CCBE1: variants seen among roughly 807,000 people sequenced by gnomAD.
CCBE1 encodes collagen and calcium binding EGF domains 1.
CCBE1 carries 37 observed loss-of-function variants against 50.0 expected under a neutral mutation model. That is an observed-to-expected ratio of 0.74 (90% CI 0.57 to 0.97). The LOEUF is 0.97. CCBE1 is among the 50% of genes least tolerant of loss of function. The pLI, the probability that CCBE1 is intolerant of heterozygous loss-of-function variation, is 0.00. For synonymous variants in CCBE1, 234 were observed against 203.7 expected (o/e 1.15, Z -1.27); for missense variants, 538 against 523.8 (o/e 1.03, Z -0.26).
chr18:59,636,921 G>A (rs2144637406), intron 2 of CCBE1, among the ~76,000 whole-genome samples: 1 of 152,282 alleles, frequency 6.6e-6, no homozygotes, highest in Middle Eastern at 3.4e-3. Flanking sequence ...CCTTGATAGT[G>A]TCTTTAAATG....
intron 2 of CCBE1, among the ~76,000 whole-genome samples, chr18:59,619,087 T>C (rs1489893224): frequency 6.6e-6 from 1 of 152,226 alleles, no homozygotes; most frequent in Non-Finnish European, 1.5e-5. Flanking sequence ...AAGATGTGAA[T>C]ATGTATTTAG....
intron 2 of CCBE1, among the ~76,000 whole-genome samples, chr18:59,619,746 G>A (rs1415042564): frequency 6.6e-6 from 1 of 152,130 alleles, no homozygotes; most frequent in African/African-American, 2.4e-5. Context: ...ATGGTTCCAA[G>A]TGAGTTTTAA....
At chr18:59,677,045 G>A (rs1210214794) in intron 2 of CCBE1, among the ~76,000 whole-genome samples, 1 of 152,202 alleles carries the variant, frequency 6.6e-6, no homozygotes, top group Non-Finnish European at 1.5e-5. Flanking sequence ...TGTTTCCAGA[G>A]TGATGAGATG....
Position 59,619,615 on chromosome 18 carries a change from C to T in CCBE1, c.212+77014G>A, listed in dbSNP as rs539837421. Reference sequence around the variant, plus strand: ...ATTTATCCGGCTCCATTTAACTGTACTCATTTTAGCCAACAAAGACTTAAT... The same window carrying T: ...ATTTATCCGGCTCCATTTAACTGTATTCATTTTAGCCAACAAAGACTTAAT... On this transcript the variant is annotated intron_variant, in intron 2 of 10. Coordinates refer to ENST00000439986, the MANE Select transcript of CCBE1 (RefSeq NM_133459.4). 6.6e-5 allele frequency among the ~76,000 whole-genome samples: 10 copies of T among 152,298 alleles called. 1 individual carries two copies. In the East Asian group the frequency reaches 1.9e-3, roughly 29 times the overall value.
intron 5 of CCBE1, among the ~76,000 whole-genome samples, chr18:59,463,704 A>G (rs1292993052): frequency 1.3e-5 from 2 of 152,188 alleles, no homozygotes; most frequent in African/African-American, 4.8e-5. Flanking sequence ...CTATATCCCA[A>G]CATCGAATCT....
intron 2 of CCBE1, among the ~76,000 whole-genome samples, chr18:59,534,007 A>G (rs1915148693): frequency 6.6e-6 from 1 of 151,880 alleles, no homozygotes. Context: ...TTTCATTGAG[A>G]GATTCCAAAG....
intron 6 of CCBE1, among the ~76,000 whole-genome samples, chr18:59,453,641 A>G (rs925878987): frequency 6.6e-6 from 1 of 152,198 alleles, no homozygotes; most frequent in African/African-American, 2.4e-5. Context: ...GAACATGGGA[A>G]AGAGATACCA....
Position 59,466,875 on chromosome 18 carries a change from G to A in CCBE1, c.417C>T (p.Ala139=), listed in dbSNP as rs1334505725. 2 of 1,613,038 alleles carry A rather than the reference G, an allele frequency of 1.2e-6. No homozygotes were observed. Among genetic ancestry groups the A allele is most frequent in the South Asian group, 1.1e-5 (1 of 91,034 alleles). The change falls in exon 5 of 11, where the codon GCC becomes GCT. Residue 139 remains alanine, a synonymous_variant. Coordinates refer to ENST00000439986, the MANE Select transcript of CCBE1 (RefSeq NM_133459.4). The part of the protein sequence containing the change: ...KPYCLDIDEC[A]SSNGTLCAHI... ...GGGCACACAGCGTCCCATTGCTGCT[G>A]GCACACTCATCAATATCTGGTTTGA... is the stretch of plus-strand genomic sequence containing the variant.
chr18:59,558,919 C>T (rs927746271), intron 2 of CCBE1, among the ~76,000 whole-genome samples: 1 of 152,226 alleles, frequency 6.6e-6, no homozygotes, highest in Non-Finnish European at 1.5e-5. Flanking sequence ...TGAATAAAAT[C>T]ACGTTTCACC....
intron 2 of CCBE1, among the ~76,000 whole-genome samples, chr18:59,637,607 A>G (rs2144638648): frequency 6.6e-6 from 1 of 152,370 alleles, no homozygotes; most frequent in Middle Eastern, 3.4e-3. Flanking sequence ...AAACCTCTGG[A>G]GAGATTAATG....
chr18:59,517,512 AATGT>A (rs1914423205), intron 2 of CCBE1, among the ~76,000 whole-genome samples: 1 of 152,204 alleles, frequency 6.6e-6, no homozygotes, highest in African/African-American at 2.4e-5. Context: ...GCACTACATA[AATGT>A]AAGTACAGCT....
At chr18:59,480,378 G>A in intron 2 of CCBE1, 140 bp from the exon 3 acceptor site, 1 of 605,964 alleles carries the variant, frequency 1.7e-6, no homozygotes, top group Non-Finnish European at 2.9e-6. Flanking sequence ...TATTTTTAAG[G>A]CAATCTGAGA....
intron 2 of CCBE1, among the ~76,000 whole-genome samples, chr18:59,586,151 C>T (rs1184711926): frequency 7.9e-5 from 12 of 152,154 alleles, no homozygotes; most frequent in African/African-American, 2.9e-4. Context: ...TTTAATGCTC[C>T]ACTTTAGTCA....
At position 59,435,457 on chromosome 18, in the gene CCBE1, A is replaced by G. The variant is rs1045406537; in HGVS notation, c.*451T>C. The G allele has an allele frequency of 5.6e-6, 1 of 178,628 alleles. No individual in the cohort carries two copies. Among genetic ancestry groups the G allele is most frequent in the African/African-American group, 2.4e-5 (1 of 41,952 alleles). 11.1% of individuals were successfully genotyped at this position (178,628 alleles called of 1,614,324 possible). On this transcript the variant is annotated 3_prime_UTR_variant, in exon 11 of 11. Transcript: ENST00000439986. ...ACCCCTTTTTAACTGAAGAGCCCCA[A>G]TTTTGATACTAGAGGAGTTATGGTC...
At chr18:59,570,090 G>A (rs1484047049) in intron 2 of CCBE1, among the ~76,000 whole-genome samples, 1 of 152,106 alleles carries the variant, frequency 6.6e-6, no homozygotes, top group Non-Finnish European at 1.5e-5. Flanking sequence ...CTGAACACAC[G>A]CTCCACATTG....
At chr18:59,495,375 C>T (rs1913300995) in intron 2 of CCBE1, among the ~76,000 whole-genome samples, 1 of 149,046 alleles carries the variant, frequency 6.7e-6, no homozygotes, top group African/African-American at 2.5e-5. Context: ...GAGACCTTAA[C>T]AGTCAAGTCC....
chr18:59,666,920 G>A (rs763977420), intron 2 of CCBE1, among the ~76,000 whole-genome samples: 38 of 152,258 alleles, frequency 2.5e-4, no homozygotes, highest in South Asian at 6.2e-4. Flanking sequence ...AGCAAAGATC[G>A]TGCCACTGCA....
intron 2 of CCBE1, among the ~76,000 whole-genome samples, chr18:59,580,362 C>T (rs971651859): frequency 1.3e-5 from 2 of 152,174 alleles, no homozygotes; most frequent in African/African-American, 4.8e-5. Context: ...CAGACCGAAA[C>T]AATGTTCATG....
intron 2 of CCBE1, among the ~76,000 whole-genome samples, chr18:59,564,928 A>G (rs1568209330): frequency 6.6e-6 from 1 of 152,266 alleles, no homozygotes; most frequent in African/African-American, 2.4e-5. Context: ...ATGTTCAAGC[A>G]TCAGTCACAT....
Sources: allele counts gnomAD v4.1 joint callset (sites outside exome capture counted in the v4.1 genomes callset), GRCh38; gene constraint gnomAD v4.1.1; transcripts MANE v1.5; gene names NCBI Gene and HGNC (gene_info 2026-07-23, HGNC 2026-07-21).